The following TAFA1 variants were observed in gnomAD, a reference collection of about 807,000 sequenced individuals.
TAFA1 encodes TAFA chemokine like family member 1.
TAFA1 carries 4 observed loss-of-function variants against 18.5 expected under a neutral mutation model. The ratio of observed to expected loss-of-function variants is 0.22; its 90% CI spans 0.11 to 0.49. The LOEUF is 0.49. Among genes scored for constraint, TAFA1 ranks in the 20% least tolerant of loss-of-function variants. The probability of loss-of-function intolerance (pLI) is 0.98; values close to 1 mark genes in which losing one functional copy is unlikely to be tolerated. For missense variants in TAFA1, 147 were observed against 169.0 expected, an observed-to-expected ratio of 0.87 and a Z score of 0.72; for synonymous variants, 56 against 55.2, an observed-to-expected ratio of 1.01 and a Z score of -0.06.
chr3:68,415,887 A>G (rs1292400864), intron 2 of TAFA1, among the ~76,000 whole-genome samples: 4 of 152,174 alleles, frequency 2.6e-5, no homozygotes, highest in Non-Finnish European at 5.9e-5. Flanking sequence ...ATGGAGAGAA[A>G]CATAATTAGT....
At chr3:68,454,111 C>T (rs1409814036) in intron 3 of TAFA1, among the ~76,000 whole-genome samples, 2 of 152,172 alleles carry the variant, frequency 1.3e-5, no homozygotes. Context: ...GATTCTGCAA[C>T]TTCACAATGT....
intron 2 of TAFA1, among the ~76,000 whole-genome samples, chr3:68,015,159 T>C (rs1203846463): frequency 6.6e-6 from 1 of 152,184 alleles, no homozygotes. Flanking sequence ...TAAAACATTG[T>C]GTCTGTAAGC....
At chr3:68,270,413 C>T (rs867794842) in intron 2 of TAFA1, among the ~76,000 whole-genome samples, 1 of 152,104 alleles carries the variant, frequency 6.6e-6, no homozygotes, top group African/African-American at 2.4e-5. Flanking sequence ...TCTTATGTTG[C>T]CTACACTTGA....
At chr3:68,366,516 A>C (rs972237862) in intron 2 of TAFA1, among the ~76,000 whole-genome samples, 3 of 152,200 alleles carry the variant, frequency 2.0e-5, no homozygotes, top group Admixed American at 2.0e-4. Flanking sequence ...TCTGCAATGG[A>C]GAAAGGGACT....
At chr3:68,492,905 T>C (rs1031513273) in intron 3 of TAFA1, among the ~76,000 whole-genome samples, 4 of 152,206 alleles carry the variant, frequency 2.6e-5, no homozygotes, top group African/African-American at 9.6e-5. Context: ...TTTTTGAATA[T>C]ACAGATTTCT....
At chr3:68,499,631 C>T (rs2072622740) in intron 3 of TAFA1, among the ~76,000 whole-genome samples, 1 of 151,352 alleles carries the variant, frequency 6.6e-6, no homozygotes, top group Admixed American at 6.6e-5. Flanking sequence ...GTGAGTGAAC[C>T]CCACCAAAAA....
At chr3:68,266,116 G>A (rs1264154329) in intron 2 of TAFA1, among the ~76,000 whole-genome samples, 1 of 152,126 alleles carries the variant, frequency 6.6e-6, no homozygotes, top group Non-Finnish European at 1.5e-5. Flanking sequence ...CCCGTGATAA[G>A]TATACTATTA....
chr3:68,079,713 G>A (rs574524774), intron 2 of TAFA1, among the ~76,000 whole-genome samples: 1 of 152,284 alleles, frequency 6.6e-6, no homozygotes, highest in South Asian at 2.1e-4. Flanking sequence ...TACATTTGCT[G>A]AGGAGAGCTT....
intron 2 of TAFA1, among the ~76,000 whole-genome samples, chr3:68,242,274 C>T (rs1276795656): frequency 1.3e-5 from 2 of 152,126 alleles, no homozygotes; most frequent in East Asian, 3.8e-4. Flanking sequence ...ATGAACCCTT[C>T]CAGTCTATTA....
chr3:68,320,458 T>C lies in TAFA1; in HGVS notation c.119-96822T>C, dbSNP rs117041935. ...TCACTGATGGGAGACGGGAAGGTAC[T>C]GGGAAAGGAGACTCAGGGGTGTTTT... On this transcript the variant is annotated intron_variant, in intron 2 of 4. Transcript: ENST00000478136. Among the ~76,000 whole-genome samples the C allele has an allele frequency of 0.01, 1,567 of 152,270 alleles. 81 individuals are homozygous for C. In the East Asian group the frequency reaches 0.16, roughly 16 times the overall value.
At chr3:68,426,639 A>G (rs979901046) in intron 3 of TAFA1, among the ~76,000 whole-genome samples, 2 of 151,894 alleles carry the variant, frequency 1.3e-5, no homozygotes, top group Non-Finnish European at 2.9e-5. Flanking sequence ...AAAAAATTAC[A>G]TTTAAATCAT....
At chr3:68,160,009 A>C (rs939673052) in intron 2 of TAFA1, among the ~76,000 whole-genome samples, 1 of 152,216 alleles carries the variant, frequency 6.6e-6, no homozygotes, top group African/African-American at 2.4e-5. Context: ...TGGACTCTGC[A>C]AGCATCAAGT....
At chr3:68,074,097 G>A (rs953942626) in intron 2 of TAFA1, among the ~76,000 whole-genome samples, 2 of 152,298 alleles carry the variant, frequency 1.3e-5, no homozygotes, top group African/African-American at 4.8e-5. Context: ...GACAGTGACA[G>A]ATCATCAGGC....
chr3:68,501,111 T>C (rs993536283), intron 3 of TAFA1, among the ~76,000 whole-genome samples: 1 of 132,498 alleles, frequency 7.5e-6, no homozygotes, highest in African/African-American at 2.9e-5. Context: ...GCTGAGATCA[T>C]GACACTGCAC....
intron 2 of TAFA1, among the ~76,000 whole-genome samples, chr3:68,054,752 T>C (rs2064513012): frequency 6.6e-6 from 1 of 152,222 alleles, no homozygotes; most frequent in Admixed American, 6.5e-5. Context: ...TTTGCCAACC[T>C]CTGAGTTTAA....
the TAFA1 span, among the ~76,000 whole-genome samples, chr3:67,993,044 T>A: frequency 6.6e-6 from 1 of 152,198 alleles, no homozygotes; most frequent in Non-Finnish European, 1.5e-5. Flanking sequence ...GGGGTGCAGA[T>A]GGAAGAAAGT....
intron 3 of TAFA1, among the ~76,000 whole-genome samples, chr3:68,474,588 CA>C (rs1366986679): frequency 6.6e-6 from 1 of 152,184 alleles, no homozygotes; most frequent in Non-Finnish European, 1.5e-5. Flanking sequence ...TAGTTCAATG[CA>C]GTGGTTGTCA....
At chr3:68,009,430 C>T (rs1704427542) in intron 2 of TAFA1, among the ~76,000 whole-genome samples, 2 of 152,128 alleles carry the variant, frequency 1.3e-5, no homozygotes, top group Non-Finnish European at 1.5e-5. Context: ...CCATTTTCTT[C>T]CTTAGAATTT....
intron 3 of TAFA1, among the ~76,000 whole-genome samples, chr3:68,528,127 G>C (rs2073133526): frequency 6.6e-6 from 1 of 152,142 alleles, no homozygotes; most frequent in Non-Finnish European, 1.5e-5. Context: ...GAAGGTGAGG[G>C]GATGGATGCA....
Sources: gnomAD v4.1 joint callset for allele counts (sites outside exome capture counted in the v4.1 genomes callset) on GRCh38, gnomAD v4.1.1 for gene constraint, MANE v1.5 for transcripts, NCBI Gene and HGNC (gene_info 2026-07-23, HGNC 2026-07-21) for gene names.